The following CCDC171 variants were observed in gnomAD, a reference collection of about 807,000 sequenced individuals.
CCDC171 encodes the protein coiled-coil domain containing 171, also known as coiled-coil domain-containing protein 171.
Under a neutral mutation model 168.2 loss-of-function variants are expected in CCDC171, and 177 were observed. The observed-to-expected ratio is 1.05, with a 90% confidence interval of 0.93 to 1.19. CCDC171 has a LOEUF of 1.19. Ranked by LOEUF, CCDC171 falls within the 50% of genes most tolerant of loss-of-function variation. The pLI is 0.00. For missense variants in CCDC171, 1,991 were observed against 1,539.0 expected, an observed-to-expected ratio of 1.29 and a Z score of -4.91; for synonymous variants, 687 against 540.8, an observed-to-expected ratio of 1.27 and a Z score of -3.75.
chr9:16,050,484 C>T (rs969539088), intron 1 of CCDC171, among the ~76,000 whole-genome samples: 13 of 152,260 alleles, frequency 8.5e-5, no homozygotes, highest in Admixed American at 2.6e-4. Flanking sequence ...TCTCTCCTGG[C>T]AAATTATTTA....
intron 25 of CCDC171, among the ~76,000 whole-genome samples, chr9:15,959,306 G>T (rs543827623): frequency 6.6e-6 from 1 of 152,164 alleles, no homozygotes; most frequent in Non-Finnish European, 1.5e-5. Flanking sequence ...TATGGATTCT[G>T]CCTATGTCCC....
chr9:15,818,778 T>C (rs1487853287), intron 21 of CCDC171, among the ~76,000 whole-genome samples: 1 of 117,796 alleles, frequency 8.5e-6, no homozygotes, highest in Non-Finnish European at 1.9e-5. Context: ...TGCAGGATAT[T>C]ATCTAGGAGA....
intron 10 of CCDC171, among the ~76,000 whole-genome samples, chr9:15,691,524 A>C (rs2050775461): frequency 1.1e-5 from 1 of 88,884 alleles, no homozygotes. Context: ...AATGATTAAA[A>C]ATACCTGTAA....
At chr9:15,981,588 C>T (rs1179201388) in intron 3 of CCDC171, among the ~76,000 whole-genome samples, 2 of 152,126 alleles carry the variant, frequency 1.3e-5, no homozygotes, top group African/African-American at 4.8e-5. Flanking sequence ...CTGGAGTAGA[C>T]ATGTAGAAGC....
At chr9:15,736,673 CT>C (rs2054517839) in intron 16 of CCDC171, among the ~76,000 whole-genome samples, 1 of 151,278 alleles carries the variant, frequency 6.6e-6, no homozygotes, top group Non-Finnish European at 1.5e-5. Flanking sequence ...TTCTTTCTTT[CT>C]TTCTTTCTTT....
chr9:15,990,212 AGACT>A (rs1832141264), intron 3 of CCDC171, among the ~76,000 whole-genome samples: 1 of 152,182 alleles, frequency 6.6e-6, no homozygotes, highest in South Asian at 2.1e-4. Context: ...GAAGCCCATC[AGACT>A]GACAGCAGAT....
At chr9:15,681,629 T>C (rs2050046917) in intron 10 of CCDC171, among the ~76,000 whole-genome samples, 1 of 152,144 alleles carries the variant, frequency 6.6e-6, no homozygotes, top group African/African-American at 2.4e-5. Flanking sequence ...ATATATTCTT[T>C]TCTTGTACAT....
At chr9:15,867,003 A>G (rs2061816851) in intron 23 of CCDC171, among the ~76,000 whole-genome samples, 1 of 152,040 alleles carries the variant, frequency 6.6e-6, no homozygotes, top group Admixed American at 6.6e-5. Context: ...TGTTTATTTG[A>G]TTACTAAAAA....
chr9:15,982,144 A>C (rs1373317674), intron 3 of CCDC171, among the ~76,000 whole-genome samples: 1 of 152,170 alleles, frequency 6.6e-6, no homozygotes, highest in East Asian at 1.9e-4. Flanking sequence ...TGAGTGCTGC[A>C]AATTAAGGTG....
At chr9:15,928,842 AG>A (rs1826178853) in intron 25 of CCDC171, among the ~76,000 whole-genome samples, 1 of 151,686 alleles carries the variant, frequency 6.6e-6, no homozygotes, top group African/African-American at 2.4e-5. Flanking sequence ...CTCATATTCT[AG>A]AAACTCAAGA....
intron 25 of CCDC171, among the ~76,000 whole-genome samples, chr9:15,962,958 C>G (rs1830486133): frequency 6.6e-6 from 1 of 151,184 alleles, no homozygotes; most frequent in Non-Finnish European, 1.5e-5. Context: ...GTTTTTTTCA[C>G]TTGGATATAT....
At chr9:15,912,522 A>G (rs557225744) in intron 24 of CCDC171, among the ~76,000 whole-genome samples, 135 of 152,120 alleles carry the variant, frequency 8.9e-4, no homozygotes, top group Non-Finnish European at 1.5e-3. Context: ...TTCTCTTCCT[A>G]TTTGAATACC....
intron 9 of CCDC171, among the ~76,000 whole-genome samples, chr9:15,671,718 A>G (rs568789933): frequency 1.4e-3 from 220 of 152,246 alleles, no homozygotes; most frequent in South Asian, 2.5e-3. Flanking sequence ...ATAGTATTCC[A>G]TAGTGTATAT....
intron 11 of CCDC171, among the ~76,000 whole-genome samples, chr9:15,699,219 G>C (rs556543643): frequency 5.3e-5 from 8 of 152,202 alleles, no homozygotes; most frequent in African/African-American, 1.4e-4. Context: ...CTCGTGGTGA[G>C]TGTTACAGGT....
chr9:15,971,714 A>G lies in CCDC171; in HGVS notation c.3859A>G (p.Thr1287Ala). The G allele has an allele frequency of 6.2e-7, 1 of 1,613,804 alleles. No homozygotes were observed. The highest frequency in any genetic ancestry group is 1.1e-5 in the South Asian group (1 of 91,048). Residue 1287 changes from threonine to alanine, a missense_variant, in exon 26 of 26, where the codon ACT becomes GCT. Physicochemically the swap from Thr to Ala is moderately conservative, Grantham distance 58 (BLOSUM62 0). Transcript: ENST00000380701. ...CTTACCATTGAAAGCTGAACTTGAT[A>G]CTACTTACACTTTCTTAAAGGAGAC... is the stretch of plus-strand genomic sequence containing the variant. ...DFLPLKAELD[T>A]TYTFLKETFI...
At chr9:15,643,816 T>C (rs1423781133) in intron 7 of CCDC171, among the ~76,000 whole-genome samples, 1 of 152,220 alleles carries the variant, frequency 6.6e-6, no homozygotes, top group Non-Finnish European at 1.5e-5. Context: ...ATCAATGAAA[T>C]CATACAGCAT....
At chr9:16,096,468 G>GT in the CCDC171 span, among the ~76,000 whole-genome samples, 2 of 152,302 alleles carry the variant, frequency 1.3e-5, no homozygotes, top group East Asian at 3.9e-4. Flanking sequence ...ATGTTCGTGA[G>GT]TTAAAAGAAA....
intron 3 of CCDC171, among the ~76,000 whole-genome samples, chr9:16,008,113 AT>A (rs1268580900): frequency 6.6e-6 from 1 of 152,070 alleles, no homozygotes; most frequent in Non-Finnish European, 1.5e-5. Context: ...TTTTGTTCAT[AT>A]TTAATACTTT....
the CCDC171 span, among the ~76,000 whole-genome samples, chr9:16,084,901 T>C: frequency 6.6e-6 from 1 of 152,154 alleles, no homozygotes; most frequent in Non-Finnish European, 1.5e-5. Context: ...TCCAAACTGG[T>C]AACCAGTCAA....
Sources: gnomAD v4.1 joint callset for allele counts (sites outside exome capture counted in the v4.1 genomes callset) on GRCh38, gnomAD v4.1.1 for gene constraint, MANE v1.5 for transcripts, NCBI Gene and HGNC (gene_info 2026-07-23, HGNC 2026-07-21) for gene names.